Variants in EEIG1 observed in about 807,000 individuals in gnomAD.
The protein encoded by EEIG1 is early estrogen-induced gene 1 protein.
chr9:127,950,303 G>A, the EEIG1 span: 1 of 985,904 alleles, frequency 1.0e-6, no homozygotes, highest in East Asian at 2.6e-5. Flanking sequence ...CCTTCCCGAT[G>A]TCTACCTATT....
the EEIG1 span, chr9:127,944,781 G>A: frequency 2.4e-5 from 38 of 1,611,702 alleles, no homozygotes; most frequent in Middle Eastern, 3.3e-4. Context: ...GCTCACCCTC[G>A]GTGTTGCTGC....
At chr9:127,952,997 G>A in the EEIG1 span, among the ~76,000 whole-genome samples, 3 of 152,166 alleles carry the variant, frequency 2.0e-5, no homozygotes, top group Admixed American at 1.3e-4. Flanking sequence ...GATTATAGGC[G>A]TGAGCCACCA....
At chr9:127,943,544 C>G in the EEIG1 span, 1 of 427,208 alleles carries the variant, frequency 2.3e-6, no homozygotes, top group Non-Finnish European at 4.3e-6. Flanking sequence ...GAAACTGAGG[C>G]TCAGAGGGAT....
the EEIG1 span, among the ~76,000 whole-genome samples, chr9:127,967,813 G>A: frequency 0.042 from 6,314 of 152,144 alleles, 158 homozygotes; most frequent in Middle Eastern, 0.075. Flanking sequence ...TGGCACAGTG[G>A]ACACCCATGC....
the EEIG1 span, chr9:127,980,645 G>A: frequency 3.3e-5 from 5 of 150,452 alleles, no homozygotes; most frequent in African/African-American, 1.2e-4. Flanking sequence ...CCCCGCACCT[G>A]GGTGCCGGGC....
At chr9:127,943,957 C>A in the EEIG1 span, 13 of 154,052 alleles carry the variant, frequency 8.4e-5, no homozygotes, top group Non-Finnish European at 1.9e-4. Flanking sequence ...GGATGTTAGG[C>A]GGGCTCCCCA....
the EEIG1 span, chr9:127,944,837 C>T: frequency 6.2e-7 from 1 of 1,612,210 alleles, no homozygotes; most frequent in Non-Finnish European, 8.5e-7. Flanking sequence ...ACGATGGCAT[C>T]CGCATCGATC....
At chr9:127,953,428 A>G in the EEIG1 span, 1 of 700,748 alleles carries the variant, frequency 1.4e-6, no homozygotes. Context: ...AAAGACCATC[A>G]ATAAAGATAT....
chr9:127,944,980 TCAGCCGCAG>T, the EEIG1 span: 1 of 1,513,260 alleles, frequency 6.6e-7, no homozygotes, highest in South Asian at 1.2e-5. Flanking sequence ...ATAATGCCAG[TCAGCCGCAG>T]CGGCGCTCAG....
At chr9:127,953,589 T>TC in the EEIG1 span, 1 of 1,614,052 alleles carries the variant, frequency 6.2e-7, no homozygotes, top group Non-Finnish European at 8.5e-7. Context: ...GAATAAGCCT[T>TC]CCCGCCTTTC....
the EEIG1 span, chr9:127,944,991 G>A: frequency 2.7e-5 from 39 of 1,460,156 alleles, no homozygotes; most frequent in East Asian, 1.6e-4. Context: ...CAGCCGCAGC[G>A]GCGCTCAGAA....
At chr9:127,966,515 C>T in the EEIG1 span, among the ~76,000 whole-genome samples, 1 of 151,902 alleles carries the variant, frequency 6.6e-6, no homozygotes, top group Non-Finnish European at 1.5e-5. Context: ...AAGTGGCTGC[C>T]CTGCTCTGTC....
chr9:127,976,866 T>C, the EEIG1 span, among the ~76,000 whole-genome samples: 1 of 151,980 alleles, frequency 6.6e-6, no homozygotes, highest in Non-Finnish European at 1.5e-5. This position sits in a 1 kb window ranked among gnomAD's most constrained non-coding sequence, Gnocchi z 4.1. Context: ...GGGGGAAATA[T>C]GCTATTGATC....
chr9:127,973,283 G>A, the EEIG1 span, among the ~76,000 whole-genome samples: 3 of 152,118 alleles, frequency 2.0e-5, no homozygotes, highest in African/African-American at 7.2e-5. This position sits in a 1 kb window ranked among gnomAD's most constrained non-coding sequence, Gnocchi z 4.2. Context: ...TGCAAGTAGG[G>A]CCTCCCAAAT....
chr9:127,960,979 T>TA, the EEIG1 span, among the ~76,000 whole-genome samples: 1,903 of 129,302 alleles, frequency 0.015, 115 homozygotes, highest in East Asian at 0.2. Context: ...ACAGCAAGGG[T>TA]AAAAAAAAAA....
chr9:127,945,308 G>A, the EEIG1 span: 1 of 1,353,086 alleles, frequency 7.4e-7, no homozygotes, highest in Non-Finnish European at 1.0e-6. The surrounding 1 kb of genome is among the most constrained non-coding windows in gnomAD (Gnocchi z 6.5). Flanking sequence ...AGAAGCGGAG[G>A]TTCAAGGCAC....
At chr9:127,945,358 A>G in the EEIG1 span, 1 of 1,574,830 alleles carries the variant, frequency 6.3e-7, no homozygotes, top group African/African-American at 1.3e-5. The surrounding 1 kb of genome is among the most constrained non-coding windows in gnomAD (Gnocchi z 6.5). Flanking sequence ...ACCAAGCAGT[A>G]GGCCTCACCT....
the EEIG1 span, among the ~76,000 whole-genome samples, chr9:127,953,043 T>C: frequency 4.6e-5 from 7 of 152,054 alleles, no homozygotes; most frequent in South Asian, 4.1e-4. Flanking sequence ...GGGAGGAGAA[T>C]TGTTTGAACC....
chr9:127,961,938 A>C, the EEIG1 span, among the ~76,000 whole-genome samples: 6 of 152,194 alleles, frequency 3.9e-5, no homozygotes, highest in Non-Finnish European at 8.8e-5. Context: ...CCTTGGTCCT[A>C]AGCTTACAGA....
Sources: gnomAD v4.1 joint callset for allele counts (sites outside exome capture counted in the v4.1 genomes callset) on GRCh38, gnomAD v4.1.1 for gene constraint, Gnocchi (gnomAD v3.1) non-coding constraint, MANE v1.5 for transcripts, NCBI Gene and HGNC (gene_info 2026-07-23, HGNC 2026-07-21) for gene names.